The following PNPLA7 variants were observed in gnomAD, a reference collection of about 807,000 sequenced individuals.
PNPLA7 encodes patatin-like phospholipase domain-containing protein 7.
In PNPLA7, 153 loss-of-function variants were observed where a neutral mutation model predicts 161.7. That is an observed-to-expected ratio of 0.95 (90% confidence interval 0.83 to 1.08). The LOEUF is 1.08. PNPLA7 is among the 50% of genes least tolerant of loss of function. The probability of loss-of-function intolerance (pLI) is 0.00; values close to 1 mark genes in which losing one functional copy is unlikely to be tolerated. For missense variants in PNPLA7, 1,739 were observed against 1,856.6 expected, an observed-to-expected ratio of 0.94 and a Z score of 1.16; for synonymous variants, 809 against 782.1, an observed-to-expected ratio of 1.03 and a Z score of -0.57.
intron 13 of PNPLA7, 47 bp downstream of exon 13, chr9:137,505,936 G>C (rs376608035): frequency 6.4e-7 from 1 of 1,566,286 alleles, no homozygotes; most frequent in Non-Finnish European, 8.7e-7. Context: ...AAGCCACGGA[G>C]AGGGTGGGGC....
chr9:137,550,134 G>GA, intron 1 of PNPLA7, 34 bp downstream of exon 1: 6 of 1,612,414 alleles, frequency 3.7e-6, no homozygotes, highest in Non-Finnish European at 4.2e-6. Flanking sequence ...CCCCAACTGG[G>GA]AAATCCAGGC....
rs1007180558 is a variant in PNPLA7, at chr9:137,460,123, G to A, written c.*270C>T. On this transcript the variant is annotated 3_prime_UTR_variant, in exon 35 of 35. Transcript: ENST00000406427. ...GGGGGGCCTCACAGGGCTTCGGGGGGCCTCACAGGGCTGCAGGGGGTTCAC... is the reference window on the plus strand; with the variant it reads ...GGGGGGCCTCACAGGGCTTCGGGGGACCTCACAGGGCTGCAGGGGGTTCAC... The A allele has an allele frequency of 2.7e-6, 1 of 373,898 alleles. No individual in the cohort carries two copies. Among genetic ancestry groups the A allele is most frequent in the East Asian group, 5.3e-5 (1 of 19,008 alleles). The allele number at this position is 373,898 out of a possible 1,614,324, so 23.2% of individuals were successfully genotyped here. A position where few individuals can be genotyped will look rare whatever the true frequency, so the allele number is the denominator to read the frequency against.
intron 12 of PNPLA7, among the ~76,000 whole-genome samples, chr9:137,513,088 T>C (rs1834323429): frequency 6.6e-6 from 1 of 152,192 alleles, no homozygotes; most frequent in Non-Finnish European, 1.5e-5. Flanking sequence ...TTGGGTAAAT[T>C]ATCACCATAA....
chr9:137,482,750 G>C (rs551158702), intron 21 of PNPLA7, among the ~76,000 whole-genome samples: 7 of 152,262 alleles, frequency 4.6e-5, no homozygotes, highest in African/African-American at 1.7e-4. Context: ...CCAACGTCCC[G>C]GCCTCGATGT....
chr9:137,515,230 G>A, intron 12 of PNPLA7, 149 bp downstream of exon 12: 2 of 1,037,052 alleles, frequency 1.9e-6, no homozygotes, highest in South Asian at 1.7e-5. Flanking sequence ...AGAGCCAGAG[G>A]ACAGGCACAG....
At chr9:137,464,971 G>A (rs1455431019) in intron 26 of PNPLA7, among the ~76,000 whole-genome samples, 2 of 152,140 alleles carry the variant, frequency 1.3e-5, no homozygotes, top group Non-Finnish European at 2.9e-5. Flanking sequence ...GCTCTCTTGG[G>A]TTCCTTCTGG....
At chr9:137,501,322 A>T (rs1833402470) in intron 15 of PNPLA7, among the ~76,000 whole-genome samples, 1 of 152,218 alleles carries the variant, frequency 6.6e-6, no homozygotes, top group Non-Finnish European at 1.5e-5. Context: ...CCACATCTGC[A>T]GATGTACCCA....
In PNPLA7 at chr9:137,460,094, C is replaced by T; in HGVS notation, c.*299G>A. 3.0e-6 allele frequency: 1 copy of T among 329,552 alleles called. No individual in the cohort carries two copies. The highest frequency in any genetic ancestry group is 5.9e-6 in the Non-Finnish European group (1 of 170,776). 20.4% of individuals were successfully genotyped at this position (329,552 alleles called of 1,614,324 possible). A position where few individuals can be genotyped will look rare whatever the true frequency, so the allele number is the denominator to read the frequency against. On this transcript the variant is annotated 3_prime_UTR_variant, in exon 35 of 35. Coordinates refer to ENST00000406427, the MANE Select transcript of PNPLA7 (RefSeq NM_001098537.3). ...ACAGGGCAGCAGGTGGTTCACAGGGCTTCGGGGGGCCTCACAGGGCTTCGG... is the reference window on the plus strand; with the variant it reads ...ACAGGGCAGCAGGTGGTTCACAGGGTTTCGGGGGGCCTCACAGGGCTTCGG...
Position 137,460,362 on chromosome 9 carries a change from A to T in PNPLA7, c.*31T>A. 1 of 1,591,732 alleles carries T rather than the reference A, an allele frequency of 6.3e-7. No homozygotes were observed. The highest frequency in any genetic ancestry group is 8.6e-7 in the Non-Finnish European group (1 of 1,163,610). ...AGCCTTGGGGACAGTCCCACGGAAG[A>T]CGCTGCATCCGGGCTCTTTAGCAGA... is the stretch of plus-strand genomic sequence containing the variant. On this transcript the variant is annotated 3_prime_UTR_variant, in exon 35 of 35. Coordinates refer to ENST00000406427, the MANE Select transcript of PNPLA7 (RefSeq NM_001098537.3).
At chr9:137,485,974 G>T (rs990285174) in intron 20 of PNPLA7, among the ~76,000 whole-genome samples, 1 of 151,900 alleles carries the variant, frequency 6.6e-6, no homozygotes, top group Non-Finnish European at 1.5e-5. Context: ...TTGAGGGGAC[G>T]GCCTCACTGC....
At position 137,480,951 on chromosome 9, in the gene PNPLA7, G is replaced by C; in HGVS notation, c.2411+9C>G. ...CTGGGAGGAAGGAGTCGGGGCTGGCGGCACGCACCTGTCCAGGGCAGCGGA... is the reference window on the plus strand; with the variant it reads ...CTGGGAGGAAGGAGTCGGGGCTGGCCGCACGCACCTGTCCAGGGCAGCGGA... On this transcript the variant is annotated intron_variant, in intron 22 of 34. Coordinates refer to ENST00000406427, the MANE Select transcript of PNPLA7 (RefSeq NM_001098537.3). 1 of 1,551,332 alleles carries C rather than the reference G, an allele frequency of 6.4e-7. No homozygotes were observed. The highest frequency in any genetic ancestry group is 8.7e-7 in the Non-Finnish European group (1 of 1,146,884).
intron 14 of PNPLA7, among the ~76,000 whole-genome samples, chr9:137,502,431 C>A (rs192637774): frequency 5.0e-4 from 76 of 151,132 alleles, no homozygotes; most frequent in East Asian, 1.0e-3. Flanking sequence ...CAGCTCCCCC[C>A]CAAAAGAGAA....
At chr9:137,472,355 C>T (rs1564286603) in intron 25 of PNPLA7, among the ~76,000 whole-genome samples, 1 of 151,782 alleles carries the variant, frequency 6.6e-6, no homozygotes, top group Non-Finnish European at 1.5e-5. Context: ...GCCACTGTAC[C>T]CAGCCTAAAC....
At position 137,550,348 on chromosome 9, in the gene PNPLA7, G is replaced by T; in HGVS notation, c.-151C>A. On this transcript the variant is annotated 5_prime_UTR_variant, in exon 1 of 35. An upstream open reading frame in the 5' UTR gains an earlier in-frame stop. Coordinates refer to ENST00000406427, the MANE Select transcript of PNPLA7 (RefSeq NM_001098537.3). ...GTTTCACTGAAAGGAAAATCCTGCT[G>T]AAAAAGTCTGTTCTCCAGGAAGAAA... The T allele has an allele frequency of 1.2e-6, 1 of 832,134 alleles. No individual in the cohort carries two copies. 51.5% of individuals were successfully genotyped at this position (832,134 alleles called of 1,614,324 possible).
At chr9:137,466,942 T>G (rs113841223) in intron 26 of PNPLA7, among the ~76,000 whole-genome samples, 1 of 50,154 alleles carries the variant, frequency 2.0e-5, no homozygotes, top group Admixed American at 1.9e-4. Flanking sequence ...GTCTCCACCA[T>G]CTCAGACCCG....
intron 17 of PNPLA7, 136 bp from the exon 18 acceptor site, chr9:137,497,446 A>C: frequency 1.2e-6 from 1 of 857,672 alleles, no homozygotes; most frequent in African/African-American, 1.8e-5. Context: ...TGTTTTGGAA[A>C]ACATATTTTT....
At chr9:137,462,571 C>A (rs1831269066) in intron 30 of PNPLA7, 114 bp downstream of exon 30, 1 of 1,464,092 alleles carries the variant, frequency 6.8e-7, no homozygotes, top group African/African-American at 1.4e-5. Flanking sequence ...GGGGTGGCCC[C>A]AGACCTGCTG....
chr9:137,536,476 G>A (rs1012855870), intron 8 of PNPLA7, among the ~76,000 whole-genome samples: 2 of 152,088 alleles, frequency 1.3e-5, no homozygotes, highest in Non-Finnish European at 2.9e-5. Context: ...TGGTTCAGGC[G>A]TGAATCTGTA....
chr9:137,516,841 T>C (rs1331441344), intron 11 of PNPLA7, among the ~76,000 whole-genome samples: 1 of 150,154 alleles, frequency 6.7e-6, no homozygotes, highest in Non-Finnish European at 1.5e-5. Context: ...ATAATTATTA[T>C]TATTATTATA....
Sources: allele counts gnomAD v4.1 joint callset (sites outside exome capture counted in the v4.1 genomes callset), GRCh38; gene constraint gnomAD v4.1.1; transcripts MANE v1.5; gene names NCBI Gene and HGNC (gene_info 2026-07-23, HGNC 2026-07-21).